Variants in CADM2 observed in about 807,000 individuals in gnomAD.
CADM2 encodes the protein immunoglobulin superfamily member 4D.
Under a neutral mutation model 49.8 loss-of-function variants are expected in CADM2, and 12 were observed. The ratio of observed to expected loss-of-function variants is 0.24; its 90% CI spans 0.15 to 0.39. The LOEUF is 0.39. CADM2 is among the 10% of genes least tolerant of loss of function. The probability of loss-of-function intolerance (pLI) is 1.00; values close to 1 mark genes in which losing one functional copy is unlikely to be tolerated. For synonymous variants in CADM2, 214 were observed against 175.4 expected (o/e 1.22, Z -1.74); for missense variants, 378 against 492.3 (o/e 0.77, Z 2.20).
intron 1 of CADM2, among the ~76,000 whole-genome samples, chr3:85,628,133 G>C (rs558449975): frequency 2.0e-5 from 3 of 151,932 alleles, no homozygotes; most frequent in Non-Finnish European, 2.9e-5. Context: ...ATACTGAATC[G>C]TAATGAATGA....
At chr3:86,001,729 C>A (rs1171677907) in intron 8 of CADM2, among the ~76,000 whole-genome samples, 1 of 151,940 alleles carries the variant, frequency 6.6e-6, no homozygotes, top group Non-Finnish European at 1.5e-5. Context: ...ACTAGGTGAT[C>A]CAGAAAGTGG....
chr3:85,435,181 C>A (rs2036867295), intron 1 of CADM2, among the ~76,000 whole-genome samples: 1 of 151,956 alleles, frequency 6.6e-6, no homozygotes, highest in African/African-American at 2.4e-5. Flanking sequence ...CCACACAACC[C>A]CCAATAGGCC....
chr3:85,153,816 C>G (rs1038174315), intron 1 of CADM2, among the ~76,000 whole-genome samples: 1 of 152,162 alleles, frequency 6.6e-6, no homozygotes, highest in Non-Finnish European at 1.5e-5. Flanking sequence ...GAGGCACCCC[C>G]CAGCAGGGGC....
intron 1 of CADM2, among the ~76,000 whole-genome samples, chr3:85,467,760 T>A (rs991621729): frequency 1.3e-5 from 2 of 152,172 alleles, no homozygotes; most frequent in Non-Finnish European, 2.9e-5. Context: ...ACATACACCA[T>A]TTTATCTTAA....
At chr3:85,330,425 A>G (rs1310518581) in intron 1 of CADM2, among the ~76,000 whole-genome samples, 1 of 152,176 alleles carries the variant, frequency 6.6e-6, no homozygotes, top group Non-Finnish European at 1.5e-5. Context: ...AAAATGTTTT[A>G]AAAGTACTTG....
chr3:85,029,912 G>A (rs1305069055), intron 1 of CADM2, among the ~76,000 whole-genome samples: 2 of 152,196 alleles, frequency 1.3e-5, no homozygotes, highest in African/African-American at 4.8e-5. Context: ...AAGGGCTGAT[G>A]TTTTAATAGC....
At chr3:85,086,110 G>A (rs2107511788) in intron 1 of CADM2, among the ~76,000 whole-genome samples, 1 of 152,150 alleles carries the variant, frequency 6.6e-6, no homozygotes, top group African/African-American at 2.4e-5. Context: ...AAGTTTTAAA[G>A]TAAGAAAAAT....
intron 1 of CADM2, among the ~76,000 whole-genome samples, chr3:85,370,682 T>G (rs1044976064): frequency 6.6e-6 from 1 of 152,212 alleles, no homozygotes; most frequent in African/African-American, 2.4e-5. Context: ...TTCTAATCAT[T>G]ATTTTTGAAT....
intron 1 of CADM2, among the ~76,000 whole-genome samples, chr3:85,449,524 C>A (rs2037652267): frequency 6.7e-6 from 1 of 149,864 alleles, no homozygotes; most frequent in Non-Finnish European, 1.5e-5. Flanking sequence ...TGCACAAGGT[C>A]TTTTTTTGAC....
intron 1 of CADM2, among the ~76,000 whole-genome samples, chr3:85,232,498 A>G (rs1204148752): frequency 6.6e-6 from 1 of 152,180 alleles, no homozygotes; most frequent in Non-Finnish European, 1.5e-5. Flanking sequence ...GACTGAGAAA[A>G]TATTTTCAGA....
intron 1 of CADM2, among the ~76,000 whole-genome samples, chr3:85,508,575 C>T (rs2040462227): frequency 6.6e-6 from 1 of 152,064 alleles, no homozygotes; most frequent in South Asian, 2.1e-4. Context: ...AATAAAAGAA[C>T]TCAAAGGGCA....
intron 1 of CADM2, among the ~76,000 whole-genome samples, chr3:85,116,408 T>A (rs1460089856): frequency 2.0e-5 from 3 of 152,110 alleles, no homozygotes; most frequent in Non-Finnish European, 4.4e-5. Flanking sequence ...TTTTGATTTC[T>A]TTGTAGCACT....
intron 1 of CADM2, among the ~76,000 whole-genome samples, chr3:85,057,995 C>A (rs2036156201): frequency 6.6e-6 from 1 of 152,182 alleles, no homozygotes; most frequent in African/African-American, 2.4e-5. Flanking sequence ...AAAGCCTTGT[C>A]ACTCTTAAAA....
intron 8 of CADM2, among the ~76,000 whole-genome samples, chr3:86,040,551 C>G (rs560260228): frequency 3.3e-5 from 5 of 151,992 alleles, no homozygotes; most frequent in African/African-American, 9.6e-5. Context: ...TAAAAGAAAC[C>G]AACAAAGCCT....
chr3:85,336,957 T>A (rs1363080973), intron 1 of CADM2, among the ~76,000 whole-genome samples: 5 of 16,692 alleles, frequency 3.0e-4, no homozygotes, highest in African/African-American at 3.5e-4. Flanking sequence ...ATATATTTAA[T>A]ATATATATTA....
chr3:85,848,607 T>TGTTA (rs1214799745), intron 3 of CADM2, among the ~76,000 whole-genome samples: 1 of 152,174 alleles, frequency 6.6e-6, no homozygotes, highest in Non-Finnish European at 1.5e-5. Context: ...TTACTACCTG[T>TGTTA]GTTAGTACAT....
At chr3:86,035,731 C>T (rs1055570609) in intron 8 of CADM2, among the ~76,000 whole-genome samples, 2 of 151,972 alleles carry the variant, frequency 1.3e-5, no homozygotes, top group Non-Finnish European at 2.9e-5. Context: ...TCTTCCATTC[C>T]CAAATGTCTA....
chr3:85,501,418 AT>A (rs1378223620), intron 1 of CADM2, among the ~76,000 whole-genome samples: 1 of 152,112 alleles, frequency 6.6e-6, no homozygotes, highest in Non-Finnish European at 1.5e-5. Flanking sequence ...GAAAAATAAC[AT>A]TTTTCACAGG....
At chr3:85,870,179 G>A (rs73847415) in intron 3 of CADM2, among the ~76,000 whole-genome samples, 8,183 of 152,008 alleles carry the variant, frequency 0.054, 629 homozygotes, top group African/African-American at 0.17. Context: ...TCTTGAATAG[G>A]TAGATGCATA....
Sources: allele counts gnomAD v4.1 joint callset (sites outside exome capture counted in the v4.1 genomes callset), GRCh38; gene constraint gnomAD v4.1.1; transcripts MANE v1.5; gene names NCBI Gene and HGNC (gene_info 2026-07-23, HGNC 2026-07-21).